PXK: variants seen among roughly 807,000 people sequenced by gnomAD.
PXK encodes PX domain-containing protein kinase-like protein.
In PXK, 35 loss-of-function variants were observed where a neutral mutation model predicts 84.7. The ratio of observed to expected loss-of-function variants is 0.41; its 90% CI spans 0.32 to 0.55. PXK has a LOEUF of 0.55. PXK is among the 20% of genes least tolerant of loss of function. The pLI, the probability that PXK is intolerant of heterozygous loss-of-function variation, is 0.21. For synonymous variants in PXK, 253 were observed against 260.8 expected, an observed-to-expected ratio of 0.97 and a Z score of 0.29; for missense variants, 634 against 699.7, an observed-to-expected ratio of 0.91 and a Z score of 1.06.
chr3:58,340,189 C>T (rs1037257778), intron 1 of PXK, among the ~76,000 whole-genome samples: 1 of 149,374 alleles, frequency 6.7e-6, no homozygotes, highest in African/African-American at 2.5e-5. Context: ...GTGGAGTAAT[C>T]TTGGCTTACT....
chr3:58,417,457 G>A (rs1447346715), intron 17 of PXK, among the ~76,000 whole-genome samples: 1 of 152,046 alleles, frequency 6.6e-6, no homozygotes, highest in African/African-American at 2.4e-5. Flanking sequence ...TAAGGGTTGG[G>A]GCCCCTCCCT....
At chr3:58,350,598 A>G (rs2097903925) in intron 1 of PXK, among the ~76,000 whole-genome samples, 1 of 152,188 alleles carries the variant, frequency 6.6e-6, no homozygotes, top group Non-Finnish European at 1.5e-5. Flanking sequence ...GTCTATTCTC[A>G]TCACATACTA....
rs1006720033 is a variant in PXK at position 58,407,953 on chromosome 3, T to A, written c.1231-971T>A. On this transcript the variant is annotated intron_variant, in intron 13 of 17. Coordinates refer to ENST00000356151, the MANE Select transcript of PXK (RefSeq NM_017771.5). This position sits in a 1 kb window ranked among gnomAD's most constrained non-coding sequence, Gnocchi z 4.3. ...CAAGAAATCACTGCCAAATCCAGTG[T>A]CAAGAAGCTTTTCCCCTGTGTCTTT... Among the ~76,000 whole-genome samples the A allele has an allele frequency of 2.0e-5, 3 of 152,258 alleles. 1 individual carries two copies. The highest frequency in any genetic ancestry group is 2.0e-4 in the Admixed American group (3 of 15,286).
chr3:58,356,415 C>G (rs1413711528), intron 1 of PXK, among the ~76,000 whole-genome samples: 2 of 152,086 alleles, frequency 1.3e-5, no homozygotes, highest in African/African-American at 4.8e-5. Flanking sequence ...TGTACTCTGT[C>G]GATCCTGTTC....
At chr3:58,341,586 ATAT>A (rs2097731885) in intron 1 of PXK, among the ~76,000 whole-genome samples, 1 of 152,188 alleles carries the variant, frequency 6.6e-6, no homozygotes, top group East Asian at 1.9e-4. Flanking sequence ...ACAAAACTTT[ATAT>A]AATTCACATA....
At position 58,424,749 on chromosome 3, in the gene PXK, C is replaced by T. The variant is rs767345285; in HGVS notation, c.1529-3C>T. ...TACTGATTGTCCCCCTTTTCCTCCA[C>T]AGGGATATCTGCATTACCTCCACCT... is the stretch of plus-strand genomic sequence containing the variant. On this transcript the variant is annotated splice_region_variant and splice_polypyrimidine_tract_variant and intron_variant, in intron 17 of 17. Transcript: ENST00000356151. The T allele has an allele frequency of 2.5e-6, 4 of 1,613,140 alleles. No individual in the cohort carries two copies. The highest frequency in any genetic ancestry group is 1.7e-5 in the Admixed American group (1 of 59,974).
At chr3:58,415,647 A>G (rs970828704) in intron 17 of PXK, among the ~76,000 whole-genome samples, 16 of 152,222 alleles carry the variant, frequency 1.1e-4, no homozygotes, top group African/African-American at 3.9e-4. Context: ...ATAGAACCCA[A>G]TTTTGGTCTG....
In PXK at chr3:58,370,727, C is replaced by G. The variant is rs6793358; in HGVS notation, c.201+1249C>G. Among the ~76,000 whole-genome samples the G allele has an allele frequency of 0.23, 34,687 of 152,062 alleles. 5,127 individuals are homozygous for G. The highest frequency in any genetic ancestry group is 0.41 in the African/African-American group (16,946 of 41,442). ...GAAAATAAGCATTTGGGCCACACGT[C>G]GTGGCTCACTCCCGTAATCCCAGCA... On this transcript the variant is annotated intron_variant, in intron 3 of 17. Transcript: ENST00000356151. This position sits in a 1 kb window ranked among gnomAD's most constrained non-coding sequence, Gnocchi z 4.2.
chr3:58,338,066 G>C (rs71311858), intron 1 of PXK, among the ~76,000 whole-genome samples: 12,083 of 152,192 alleles, frequency 0.079, 574 homozygotes, highest in Non-Finnish European at 0.088. Context: ...TCTTAGCCAG[G>C]CGTGGTGGCT....
rs369423194 is a variant in PXK at position 58,364,848 on chromosome 3, C to G, written c.103-1026C>G. Among the ~76,000 whole-genome samples, 70 of 152,258 alleles carry G rather than the reference C, an allele frequency of 4.6e-4. No homozygotes were observed. The highest frequency in any genetic ancestry group is 3.4e-3 in the Middle Eastern group (1 of 294). On this transcript the variant is annotated intron_variant, in intron 1 of 17. Transcript: ENST00000356151. The surrounding 1 kb of genome is among the most constrained non-coding windows in gnomAD (Gnocchi z 4.3). ...TATGTAGAATCGTTCACAGCATTCC[C>G]TTATCCATTTGATATCTGCACAGTC...
chr3:58,390,494 T>C lies in PXK; in HGVS notation c.389-88T>C, dbSNP rs2098616843. 1 of 912,016 alleles carries C rather than the reference T, an allele frequency of 1.1e-6. No individual in the cohort carries two copies. Among genetic ancestry groups the C allele is most frequent in the Non-Finnish European group, 1.7e-6 (1 of 605,492 alleles). 56.5% of individuals were successfully genotyped at this position (912,016 alleles called of 1,614,324 possible). ...AGTTTTTTAAAAAGGTCATAGACTA[T>C]AGGGATTTCATTTACAAGAATAATA... On this transcript the variant is annotated intron_variant, in intron 4 of 17. Coordinates refer to ENST00000356151, the MANE Select transcript of PXK (RefSeq NM_017771.5). The surrounding 1 kb of genome is among the most constrained non-coding windows in gnomAD (Gnocchi z 4.2).
rs774842216 is a variant in PXK, at chr3:58,397,582, C to T, written c.985-23C>T. On this transcript the variant is annotated intron_variant, in intron 10 of 17. Transcript: ENST00000356151. This position sits in a 1 kb window ranked among gnomAD's most constrained non-coding sequence, Gnocchi z 4.7. ...ACAAAGCCAAAGTGAAGGGTGAACA[C>T]GCTGCTACTCTTTCTTCCACAGACA... 32 of 1,586,946 alleles carry T rather than the reference C, an allele frequency of 2.0e-5. No individual in the cohort carries two copies. The highest frequency in any genetic ancestry group is 5.5e-5 in the South Asian group (5 of 90,488).
In PXK at chr3:58,425,022, A is replaced by T. The variant is rs1576939536; in HGVS notation, c.*62A>T. The T allele has an allele frequency of 6.3e-7, 1 of 1,579,518 alleles. No individual in the cohort carries two copies. Among genetic ancestry groups the T allele is most frequent in the East Asian group, 2.3e-5 (1 of 44,336 alleles). ...TTATTCCTACTCACCCCTACCCCCC[A>T]AACTACCCTCTTCCTGGGAAAGTAA... On this transcript the variant is annotated 3_prime_UTR_variant, in exon 18 of 18. Coordinates refer to ENST00000356151, the MANE Select transcript of PXK (RefSeq NM_017771.5).
chr3:58,357,273 T>C (rs1389121816), intron 1 of PXK, among the ~76,000 whole-genome samples: 1 of 151,018 alleles, frequency 6.6e-6, no homozygotes, highest in Non-Finnish European at 1.5e-5. Context: ...AGCGAGACTC[T>C]GTCTCAAAAA....
At chr3:58,376,081 G>A (rs989055018) in intron 3 of PXK, among the ~76,000 whole-genome samples, 3 of 152,066 alleles carry the variant, frequency 2.0e-5, no homozygotes, top group Non-Finnish European at 2.9e-5. Flanking sequence ...TGATGTTTTT[G>A]TGACCAGAAA....
chr3:58,420,413 G>T, intron 17 of PXK: 1 of 1,266,336 alleles, frequency 7.9e-7, no homozygotes, highest in South Asian at 1.3e-5. Context: ...GTTTCGAAGT[G>T]AGAATAATCA....
At chr3:58,343,527 G>A (rs1184591287) in intron 1 of PXK, among the ~76,000 whole-genome samples, 2 of 152,216 alleles carry the variant, frequency 1.3e-5, no homozygotes, top group Non-Finnish European at 2.9e-5. Context: ...ATGCAGTGGT[G>A]AGCAGTCGCT....
chr3:58,390,868 A>G lies in PXK; in HGVS notation c.466+209A>G, dbSNP rs1383289100. 6.6e-6 allele frequency among the ~76,000 whole-genome samples: 1 copy of G among 152,202 alleles called. No individual in the cohort carries two copies. Among genetic ancestry groups the G allele is most frequent in the Non-Finnish European group, 1.5e-5 (1 of 68,034 alleles). ...CCCATCAAAGCATTTGGATGGTAAT[A>G]ACTTTCAGAAACACCATTCCTTCTT... On this transcript the variant is annotated intron_variant, in intron 5 of 17. Coordinates refer to ENST00000356151, the MANE Select transcript of PXK (RefSeq NM_017771.5). This position sits in a 1 kb window ranked among gnomAD's most constrained non-coding sequence, Gnocchi z 4.2.
In PXK at chr3:58,412,784, C is replaced by A; in HGVS notation, c.1466-117C>A. ...TTTTGTCCCTCATCATCTTGTTTCA[C>A]AAGGCTCACACACTAAGCCAAATGT... On this transcript the variant is annotated intron_variant, in intron 16 of 17. Coordinates refer to ENST00000356151, the MANE Select transcript of PXK (RefSeq NM_017771.5). The surrounding 1 kb of genome is among the most constrained non-coding windows in gnomAD (Gnocchi z 6.2). 1 of 1,020,312 alleles carries A rather than the reference C, an allele frequency of 9.8e-7. No individual in the cohort carries two copies. The highest frequency in any genetic ancestry group is 1.3e-5 in the South Asian group (1 of 75,592). The allele number at this position is 1,020,312 out of a possible 1,614,324, so 63.2% of individuals were successfully genotyped here.
Sources: allele counts gnomAD v4.1 joint callset (sites outside exome capture counted in the v4.1 genomes callset), GRCh38; gene constraint gnomAD v4.1.1; non-coding constraint Gnocchi (gnomAD v3.1); transcripts MANE v1.5; gene names NCBI Gene and HGNC (gene_info 2026-07-23, HGNC 2026-07-21).